RFX1: variants seen among roughly 807,000 people sequenced by gnomAD.
RFX1 encodes the protein regulatory factor X1.
A neutral mutation model predicts 119.6 loss-of-function variants in RFX1; 42 were observed. That is an observed-to-expected ratio of 0.35 (90% CI 0.27 to 0.45). RFX1 has a LOEUF of 0.45. Ranked by LOEUF, RFX1 falls within the 20% of genes least tolerant of loss-of-function variation. RFX1 has a pLI of 1.00. For missense variants in RFX1, 1,118 were observed against 1,368.1 expected (o/e 0.82, Z 2.88); for synonymous variants, 628 against 618.5 (o/e 1.02, Z -0.23).
chr19:13,979,324 T>G (rs374023264), intron 7 of RFX1, 123 bp downstream of exon 7: 4 of 599,114 alleles, frequency 6.7e-6, no homozygotes, highest in Non-Finnish European at 1.1e-5. Context: ...AGGGGAAGGA[T>G]GTAGGGCAGT....
chr19:13,966,431 G>A lies in RFX1; in HGVS notation c.1951C>T (p.Pro651Ser). The A allele has an allele frequency of 6.2e-7, 1 of 1,607,162 alleles. No individual in the cohort carries two copies. The highest frequency in any genetic ancestry group is 8.5e-7 in the Non-Finnish European group (1 of 1,174,958). Residue 651 changes from proline to serine, a missense_variant, in exon 14 of 21, where the codon CCG (proline) becomes TCG (serine). By Grantham distance (74) the Pro-to-Ser change is moderately conservative. Coordinates refer to ENST00000254325, the MANE Select transcript of RFX1 (RefSeq NM_002918.5). This position sits in a 1 kb window ranked among gnomAD's most constrained non-coding sequence, Gnocchi z 6.3. ...YNLSQPSEAPPLAVHDEAEKR... is the reference protein window; with the variant it reads ...YNLSQPSEAPSLAVHDEAEKR... Reference sequence around the variant, plus strand: ...CCGGGCAGTACTCACACAGCCAGCGGTGGCGCCTCACTGGGCTGGCTGAGG... The same window carrying A: ...CCGGGCAGTACTCACACAGCCAGCGATGGCGCCTCACTGGGCTGGCTGAGG...
intron 4 of RFX1, among the ~76,000 whole-genome samples, chr19:13,982,525 T>C (rs1191430821): frequency 6.6e-6 from 1 of 152,132 alleles, no homozygotes; most frequent in Non-Finnish European, 1.5e-5. Flanking sequence ...AGTCCTAGGC[T>C]GGGTGTGGTG....
At chr19:13,970,229 T>G in intron 9 of RFX1, 54 bp from the exon 10 acceptor site, 2 of 1,491,612 alleles carry the variant, frequency 1.3e-6, no homozygotes, top group Non-Finnish European at 1.8e-6. Flanking sequence ...CCGTCATCTC[T>G]GAGTGCTGGG....
In RFX1 at chr19:13,965,339, G is replaced by T; in HGVS notation, c.2211+110C>A. 1.1e-6 allele frequency: 1 copy of T among 929,538 alleles called. No homozygotes were observed. The highest frequency in any genetic ancestry group is 1.7e-6 in the Non-Finnish European group (1 of 590,180). The allele number at this position is 929,538 out of a possible 1,614,324, so 57.6% of individuals were successfully genotyped here. On this transcript the variant is annotated intron_variant, in intron 16 of 20. Coordinates refer to ENST00000254325, the MANE Select transcript of RFX1 (RefSeq NM_002918.5). The surrounding 1 kb of genome is among the most constrained non-coding windows in gnomAD (Gnocchi z 4.7). Reference sequence around the variant, plus strand: ...GAGAAGGTCTCCCCTTCCTCCACAGGCATCATCCCTGGAACAGGCGTGGGG... The same window carrying T: ...GAGAAGGTCTCCCCTTCCTCCACAGTCATCATCCCTGGAACAGGCGTGGGG...
chr19:13,981,647 A>C (rs753438224), intron 5 of RFX1, among the ~76,000 whole-genome samples: 1 of 152,184 alleles, frequency 6.6e-6, no homozygotes, highest in African/African-American at 2.4e-5. Context: ...CCACGAGAGG[A>C]AGTGGCTGGG....
In RFX1 at chr19:13,968,888, G is replaced by T; in HGVS notation, c.1503C>A (p.Asn501Lys). The T allele has an allele frequency of 6.5e-7, 1 of 1,549,744 alleles. No individual in the cohort carries two copies. ...GCAGGCCATAGTAGTGGTACTTGGAGTTGCCCCTGGGAGGGAGGTGGAGGG... is the reference window on the plus strand; with the variant it reads ...GCAGGCCATAGTAGTGGTACTTGGATTTGCCCCTGGGAGGGAGGTGGAGGG... ...LRTRRLGTRG[N>K]SKYHYYGLRI... Residue 501 changes from asparagine to lysine, a missense_variant, in exon 11 of 21, where the codon AAC becomes AAA. Asn to Lys is a moderately conservative substitution (Grantham distance 94). Coordinates refer to ENST00000254325, the MANE Select transcript of RFX1 (RefSeq NM_002918.5). This position sits in a 1 kb window ranked among gnomAD's most constrained non-coding sequence, Gnocchi z 5.5.
chr19:13,989,123 G>T (rs539732941), intron 2 of RFX1, among the ~76,000 whole-genome samples: 1 of 152,282 alleles, frequency 6.6e-6, no homozygotes, highest in South Asian at 2.1e-4. Flanking sequence ...AGGGAGACAA[G>T]AGGCAAGCTC....
Position 13,982,244 on chromosome 19 carries a change from G to A in RFX1, c.514-16C>T. 7.8e-7 allele frequency: 1 copy of A among 1,278,208 alleles called. No individual in the cohort carries two copies. Among genetic ancestry groups the A allele is most frequent in the East Asian group, 2.8e-5 (1 of 35,468 alleles). 79.2% of individuals were successfully genotyped at this position (1,278,208 alleles called of 1,614,324 possible). ...TGGGAAGAGCCTGGGGCCAGGGAGGGAGAGGGAGGGCAGATCACTGATGAC... is the reference window on the plus strand; with the variant it reads ...TGGGAAGAGCCTGGGGCCAGGGAGGAAGAGGGAGGGCAGATCACTGATGAC... On this transcript the variant is annotated splice_polypyrimidine_tract_variant and intron_variant, in intron 4 of 20. Coordinates refer to ENST00000254325, the MANE Select transcript of RFX1 (RefSeq NM_002918.5).
intron 1 of RFX1, among the ~76,000 whole-genome samples, chr19:14,005,622 A>C (rs1201329422): frequency 6.6e-6 from 1 of 152,202 alleles, no homozygotes; most frequent in Non-Finnish European, 1.5e-5. Flanking sequence ...ACAACTGCAA[A>C]GCTCTTAAGG....
In RFX1 at chr19:13,991,472, C is replaced by T. The variant is rs545126093; in HGVS notation, c.319+2053G>A. On this transcript the variant is annotated intron_variant, in intron 2 of 20. Coordinates refer to ENST00000254325, the MANE Select transcript of RFX1 (RefSeq NM_002918.5). The stretch of plus-strand genomic sequence containing the variant: ...ACAGGCGGGGGGGCACTAAGTGTGG[C>T]GCTCATGCGGACACCTCCACTCCGT... Among the ~76,000 whole-genome samples, 17 of 152,216 alleles carry T rather than the reference C, an allele frequency of 1.1e-4. No individual in the cohort carries two copies. In the South Asian group the frequency reaches 1.2e-3, roughly 11 times the overall value.
Position 13,973,061 on chromosome 19 carries a change from G to A in RFX1, c.996C>T (p.Tyr332=), listed in dbSNP as rs758249269. 1.6e-5 allele frequency: 26 copies of A among 1,601,680 alleles called. No homozygotes were observed. Among genetic ancestry groups the A allele is most frequent in the Admixed American group, 3.3e-5 (2 of 59,972 alleles). Residue 332 remains tyrosine, a synonymous_variant, in exon 9 of 21, where the codon TAC becomes TAT. Transcript: ENST00000254325. ...LYTQTASTSY[Y]EAAGTATQVS... is the part of the protein sequence containing the mutation. Reference sequence around the variant, plus strand: ...CCTGGGTGGCCGTGCCTGCGGCCTCGTAGTAGCTGGTGCTTGCCGTCTGCG... The same window carrying A: ...CCTGGGTGGCCGTGCCTGCGGCCTCATAGTAGCTGGTGCTTGCCGTCTGCG...
At position 13,965,569 on chromosome 19, in the gene RFX1, G is replaced by T; in HGVS notation, c.2114-23C>A. On this transcript the variant is annotated intron_variant, in intron 15 of 20. Coordinates refer to ENST00000254325, the MANE Select transcript of RFX1 (RefSeq NM_002918.5). The surrounding 1 kb of genome is among the most constrained non-coding windows in gnomAD (Gnocchi z 4.7). ...CACCTGTGGGCGGTGGCGGGGGTCG[G>T]TCAGGGCAGGGCGGGTGTATGTGGG... is the stretch of plus-strand genomic sequence containing the variant. The T allele has an allele frequency of 6.2e-7, 1 of 1,612,374 alleles. No individual in the cohort carries two copies. The highest frequency in any genetic ancestry group is 8.5e-7 in the Non-Finnish European group (1 of 1,179,460).
rs1222340489 is a variant in RFX1, at chr19:13,970,767, T to TGAGATCA, written c.1315-599_1315-593dup. On this transcript the variant is annotated intron_variant, in intron 9 of 20. Coordinates refer to ENST00000254325, the MANE Select transcript of RFX1 (RefSeq NM_002918.5). Reference sequence around the variant, plus strand: ...GAGGCCAAGGCAGGTGGGTGGATCATGAGATCAGGAGACTGAGACCAGCCT... The same window carrying TGAGATCA: ...GAGGCCAAGGCAGGTGGGTGGATCATGAGATCAGAGATCAGGAGACTGAGACCAGCCT... Among the ~76,000 whole-genome samples, 4 of 142,806 alleles carry TGAGATCA rather than the reference T, an allele frequency of 2.8e-5. No homozygotes were observed. The East Asian group carries it at 8.5e-4, about 30-fold the overall frequency. The allele number at this position is 142,806 out of a possible 152,430, so 93.7% of individuals were successfully genotyped here. A position where few individuals can be genotyped will look rare whatever the true frequency, so the allele number is the denominator to read the frequency against.
rs780697862 is a variant in RFX1, at chr19:13,976,894, T to C, written c.929+1098A>G. Among the ~76,000 whole-genome samples the C allele has an allele frequency of 1.2e-4, 18 of 151,950 alleles. No individual in the cohort carries two copies. In the South Asian group the frequency reaches 1.7e-3, roughly 14 times the overall value. On this transcript the variant is annotated intron_variant, in intron 8 of 20. Transcript: ENST00000254325. ...GGTGCACACCTGTAGTCCCAGCTAC[T>C]AGGGAGGCTGAGGTAAGAGGATTGC...
chr19:13,968,693 G>T lies in RFX1; in HGVS notation c.1617-13C>A, dbSNP rs1400985378. ...GATGGGCTTGAGCCTGGAGTAGAATGGGCAGGTGGGCCGGCTGCTGGGGGC... is the reference window on the plus strand; with the variant it reads ...GATGGGCTTGAGCCTGGAGTAGAATTGGCAGGTGGGCCGGCTGCTGGGGGC... On this transcript the variant is annotated splice_polypyrimidine_tract_variant and intron_variant, in intron 11 of 20. Coordinates refer to ENST00000254325, the MANE Select transcript of RFX1 (RefSeq NM_002918.5). The surrounding 1 kb of genome is among the most constrained non-coding windows in gnomAD (Gnocchi z 5.5). 2 of 1,612,164 alleles carry T rather than the reference G, an allele frequency of 1.2e-6. No individual in the cohort carries two copies. Among genetic ancestry groups the T allele is most frequent in the Non-Finnish European group, 1.7e-6 (2 of 1,179,554 alleles).
chr19:13,962,994 C>T lies in RFX1; in HGVS notation c.2770G>A (p.Asp924Asn), dbSNP rs1464907286. The T allele has an allele frequency of 1.3e-6, 2 of 1,551,028 alleles. No homozygotes were observed. Among genetic ancestry groups the T allele is most frequent in the African/African-American group, 1.4e-5 (1 of 73,182 alleles). Residue 924 changes from aspartate to asparagine, a missense_variant and splice_region_variant, in exon 20 of 21, where the codon GAC (aspartate) becomes AAC (asparagine). Asp to Asn is a conservative substitution (Grantham distance 23). This residue lies in a region of RFX1 where 138 missense variants were observed against 117.8 expected (regional missense o/e 1.17). Transcript: ENST00000254325. ...CTGGGTGGGAACACGCCTCGCCTAC[C>T]TTTGTCGGGGTCCAGGGGGTTCAGG... ...TSLNPLDPDK[D>N]EEEEEEEESE...
In RFX1 at chr19:13,966,515, T is replaced by G. The variant is rs143203128; in HGVS notation, c.1867A>C (p.Met623Leu). Residue 623 changes from methionine to leucine, a missense_variant, in exon 14 of 21, where the codon ATG becomes CTG. By Grantham distance (15) the Met-to-Leu change is conservative. This residue lies in a region of RFX1 where 338 missense variants were observed against 508.9 expected (regional missense o/e 0.66). Transcript: ENST00000254325. The surrounding 1 kb of genome is among the most constrained non-coding windows in gnomAD (Gnocchi z 6.3). ...REHCEAIVDV[M>L]VNLQFTLVET... ...ACCAGGGTGAACTGCAGGTTCACCA[T>G]GACGTCGACAATGGCCTGTGGCAGA... is the stretch of plus-strand genomic sequence containing the variant. 6.3e-7 allele frequency: 1 copy of G among 1,576,204 alleles called. No homozygotes were observed. Among genetic ancestry groups the G allele is most frequent in the Non-Finnish European group, 8.6e-7 (1 of 1,157,204 alleles).
At chr19:13,998,962 C>A (rs1975124800) in intron 1 of RFX1, among the ~76,000 whole-genome samples, 1 of 152,196 alleles carries the variant, frequency 6.6e-6, no homozygotes. Flanking sequence ...TGATTAATTT[C>A]TAAAAGGCTG....
intron 2 of RFX1, among the ~76,000 whole-genome samples, chr19:13,991,210 T>C (rs1599509995): frequency 6.6e-6 from 1 of 152,132 alleles, no homozygotes; most frequent in Non-Finnish European, 1.5e-5. Flanking sequence ...TGCCTGATGG[T>C]ACTCTGTCCC....
Sources: allele counts gnomAD v4.1 joint callset (sites outside exome capture counted in the v4.1 genomes callset), GRCh38; gene constraint gnomAD v4.1.1; regional missense constraint gnomAD v4.1.1; non-coding constraint Gnocchi (gnomAD v3.1); transcripts MANE v1.5; gene names NCBI Gene and HGNC (gene_info 2026-07-23, HGNC 2026-07-21).